The following PALLD variants were observed in gnomAD, a reference collection of about 807,000 sequenced individuals.
The protein encoded by PALLD is palladin, cytoskeletal associated protein.
A neutral mutation model predicts 123.5 loss-of-function variants in PALLD; 61 were observed. The ratio of observed to expected loss-of-function variants is 0.49; its 90% CI spans 0.40 to 0.61. The LOEUF is 0.61. Ranked by LOEUF, PALLD falls within the 20% of genes least tolerant of loss-of-function variation. PALLD has a pLI of 0.00. For synonymous variants in PALLD, 465 were observed against 496.4 expected, an observed-to-expected ratio of 0.94 and a Z score of 0.84; for missense variants, 1,273 against 1,377.0, an observed-to-expected ratio of 0.92 and a Z score of 1.20.
Position 168,537,294 on chromosome 4 carries a change from G to C in PALLD, c.908+24882G>C, listed in dbSNP as rs1765193243. ...CCTGTAACCCTTTCAAGTGCAAACTGTGATGACAAATGCTTTACTCACTCA... is the reference window on the plus strand; with the variant it reads ...CCTGTAACCCTTTCAAGTGCAAACTCTGATGACAAATGCTTTACTCACTCA... On this transcript the variant is annotated intron_variant, in intron 2 of 21. Coordinates refer to ENST00000505667, the MANE Select transcript of PALLD (RefSeq NM_001166108.2). Among the ~76,000 whole-genome samples, 3 of 152,194 alleles carry C rather than the reference G, an allele frequency of 2.0e-5. No homozygotes were observed. The South Asian group carries it at 6.2e-4, about 31-fold the overall frequency.
At chr4:168,738,192 A>C (rs986305646) in intron 10 of PALLD, among the ~76,000 whole-genome samples, 5 of 152,218 alleles carry the variant, frequency 3.3e-5, no homozygotes, top group African/African-American at 7.2e-5. Flanking sequence ...ATTATGCTTC[A>C]AGAGTCATTT....
chr4:168,885,017 C>T (rs7682656), intron 10 of PALLD, among the ~76,000 whole-genome samples: 78,621 of 151,622 alleles, frequency 0.52, 22,919 homozygotes, highest in South Asian at 0.66. Flanking sequence ...AACCACACAG[C>T]TTTTAAGTGG....
rs749252340 is a variant in PALLD at position 168,896,600 on chromosome 4, G to A, written c.2250+1G>A. On this transcript the variant is annotated splice_donor_variant, in intron 13 of 21. Transcript: ENST00000505667. LOFTEE classifies it high-confidence loss of function. Reference sequence around the variant, plus strand: ...AGGGAGTCCTCTGGATGGTCAAAAGGTTAAGCTTTTCACCTTTCTTCTCCT... The same window carrying A: ...AGGGAGTCCTCTGGATGGTCAAAAGATTAAGCTTTTCACCTTTCTTCTCCT... 2.0e-5 allele frequency: 30 copies of A among 1,492,366 alleles called. No homozygotes were observed. In the South Asian group the frequency reaches 3.6e-4, roughly 18 times the overall value. 92.4% of individuals were successfully genotyped at this position (1,492,366 alleles called of 1,614,324 possible).
Position 168,711,762 on chromosome 4 carries a change from G to A in PALLD, c.1803G>A (p.Met601Ile). 1 of 1,614,098 alleles carries A rather than the reference G, an allele frequency of 6.2e-7. No individual in the cohort carries two copies. The highest frequency in any genetic ancestry group is 8.5e-7 in the Non-Finnish European group (1 of 1,180,010). The part of the protein sequence containing the change: ...ELGLSRAALQ[M>I]QFNAAERETN... ...GCCTGAGCAGGGCAGCCCTTCAAATGCAATTCAATGCTGCTGAGAGGGAAA... is the reference window on the plus strand; with the variant it reads ...GCCTGAGCAGGGCAGCCCTTCAAATACAATTCAATGCTGCTGAGAGGGAAA... Residue 601 changes from methionine to isoleucine, a missense_variant, in exon 10 of 22, where the codon ATG becomes ATA. Met to Ile is a conservative substitution (Grantham distance 10). This residue lies in a region of PALLD where 944 missense variants were observed against 954.5 expected (regional missense o/e 0.99). Transcript: ENST00000505667.
chr4:168,713,120 T>A (rs1203103831), intron 10 of PALLD, among the ~76,000 whole-genome samples: 1 of 152,216 alleles, frequency 6.6e-6, no homozygotes, highest in Non-Finnish European at 1.5e-5. Flanking sequence ...GATATATTGC[T>A]ACCCTCTACT....
intron 10 of PALLD, among the ~76,000 whole-genome samples, chr4:168,759,222 T>G (rs1343625253): frequency 3.1e-5 from 1 of 31,980 alleles, no homozygotes; most frequent in African/African-American, 1.2e-4. Context: ...TATATATATA[T>G]ATATATATAT....
chr4:168,642,704 C>T (rs1468079776), intron 2 of PALLD, among the ~76,000 whole-genome samples: 2 of 152,230 alleles, frequency 1.3e-5, no homozygotes, highest in African/African-American at 4.8e-5. Context: ...GCCTGGCAGG[C>T]ATCTTCTGCT....
chr4:168,620,455 A>C (rs1445186742), intron 2 of PALLD, among the ~76,000 whole-genome samples: 1 of 152,226 alleles, frequency 6.6e-6, no homozygotes, highest in Non-Finnish European at 1.5e-5. Flanking sequence ...ATGCTGTCTA[A>C]AAAAACAAAA....
intron 2 of PALLD, among the ~76,000 whole-genome samples, chr4:168,548,118 A>G (rs187074028): frequency 6.6e-6 from 1 of 152,286 alleles, no homozygotes; most frequent in Admixed American, 6.5e-5. Flanking sequence ...TTGAACACCA[A>G]CTACACGTCA....
At chr4:168,546,481 A>G (rs1482902046) in intron 2 of PALLD, among the ~76,000 whole-genome samples, 2 of 152,160 alleles carry the variant, frequency 1.3e-5, no homozygotes, top group Non-Finnish European at 1.5e-5. Context: ...AAGCTGAGCT[A>G]TTGGGGTCCA....
At chr4:168,653,589 A>G (rs535873159) in intron 2 of PALLD, among the ~76,000 whole-genome samples, 4 of 152,358 alleles carry the variant, frequency 2.6e-5, no homozygotes, top group African/African-American at 7.2e-5. Flanking sequence ...CTCTTCGGCT[A>G]TACACATATT....
intron 10 of PALLD, among the ~76,000 whole-genome samples, chr4:168,726,447 A>G (rs556631634): frequency 2.0e-5 from 3 of 152,168 alleles, no homozygotes; most frequent in Non-Finnish European, 4.4e-5. Flanking sequence ...AGGATCATTC[A>G]TGCTCTCTTC....
chr4:168,898,544 A>G lies in PALLD; in HGVS notation c.2302A>G (p.Arg768Gly), dbSNP rs1036637372. 6.2e-7 allele frequency: 1 copy of G among 1,614,028 alleles called. No homozygotes were observed. ...EQRLISEIEY[R>G]LERSPVDESG... is the part of the protein sequence containing the mutation. Reference sequence around the variant, plus strand: ...GAGACTCATCAGTGAAATAGAGTACAGGCTAGAAAGGTCTCCTGTGGATGA... The same window carrying G: ...GAGACTCATCAGTGAAATAGAGTACGGGCTAGAAAGGTCTCCTGTGGATGA... The change falls in exon 14 of 22, where the codon AGG (arginine) becomes GGG (glycine). Residue 768 changes from arginine to glycine, a missense_variant. By Grantham distance (125) the Arg-to-Gly change is moderately radical. This residue lies in a region of PALLD where 944 missense variants were observed against 954.5 expected (regional missense o/e 0.99). Transcript: ENST00000505667.
chr4:168,639,833 C>T (rs142983185), intron 2 of PALLD, among the ~76,000 whole-genome samples: 11 of 152,172 alleles, frequency 7.2e-5, no homozygotes, highest in Admixed American at 1.3e-4. Flanking sequence ...CGTGAGCCAC[C>T]GTGCCCGGCC....
At chr4:168,525,262 T>C (rs558308427) in intron 2 of PALLD, among the ~76,000 whole-genome samples, 2 of 152,304 alleles carry the variant, frequency 1.3e-5, no homozygotes, top group South Asian at 4.1e-4. Flanking sequence ...TGCAAGATCA[T>C]TTTTTACGAA....
intron 10 of PALLD, among the ~76,000 whole-genome samples, chr4:168,771,628 GAA>G (rs1561505918): frequency 6.6e-6 from 1 of 152,106 alleles, no homozygotes; most frequent in Non-Finnish European, 1.5e-5. Flanking sequence ...GCTGGAAGTG[GAA>G]TTGTTTCTAA....
At chr4:168,700,463 T>A (rs992808817) in intron 8 of PALLD, 1 of 152,224 alleles carries the variant, frequency 6.6e-6, no homozygotes, top group Admixed American at 6.5e-5. Context: ...TTCTGCTCAA[T>A]CAACTTTGAA....
At chr4:168,780,329 C>T (rs1735744114) in intron 10 of PALLD, among the ~76,000 whole-genome samples, 1 of 152,208 alleles carries the variant, frequency 6.6e-6, no homozygotes, top group African/African-American at 2.4e-5. Context: ...TCCCATGGCA[C>T]ACACAGCTGC....
chr4:168,571,774 G>A (rs1962023), intron 2 of PALLD, among the ~76,000 whole-genome samples: 97,773 of 152,040 alleles, frequency 0.64, 31,761 homozygotes, highest in East Asian at 0.91. Flanking sequence ...AGACTACTAA[G>A]CCAAAGAATC....
Sources: gnomAD v4.1 joint callset for allele counts (sites outside exome capture counted in the v4.1 genomes callset) on GRCh38, gnomAD v4.1.1 for gene constraint, gnomAD v4.1.1 regional missense constraint, MANE v1.5 for transcripts, NCBI Gene and HGNC (gene_info 2026-07-23, HGNC 2026-07-21) for gene names.